The following MSRB3 variants were observed in gnomAD, a reference collection of about 807,000 sequenced individuals.
MSRB3 encodes the protein methionine-R-sulfoxide reductase B3.
Under a neutral mutation model 21.0 loss-of-function variants are expected in MSRB3, and 13 were observed. The observed-to-expected ratio is 0.62, with a 90% CI of 0.40 to 0.98. The LOEUF (loss-of-function observed/expected upper bound fraction) is 0.98. Ranked by LOEUF, MSRB3 falls within the 50% of genes least tolerant of loss-of-function variation. The pLI is 0.00. For missense variants in MSRB3, 199 were observed against 230.3 expected, an observed-to-expected ratio of 0.86 and a Z score of 0.88; for synonymous variants, 87 against 88.6, an observed-to-expected ratio of 0.98 and a Z score of 0.10.
chr12:65,394,469 A>G (rs1252626085), intron 5 of MSRB3, among the ~76,000 whole-genome samples: 1 of 152,186 alleles, frequency 6.6e-6, no homozygotes, highest in Non-Finnish European at 1.5e-5. Flanking sequence ...ACCCACAAAA[A>G]CAACTCCCAG....
intron 6 of MSRB3, among the ~76,000 whole-genome samples, chr12:65,456,235 G>A (rs1416452320): frequency 5.3e-5 from 8 of 152,128 alleles, no homozygotes; most frequent in East Asian, 3.9e-4. Context: ...GTTTTAACTC[G>A]TTTTCACTCA....
At chr12:65,345,010 A>G (rs2136480242) in intron 4 of MSRB3, among the ~76,000 whole-genome samples, 1 of 152,158 alleles carries the variant, frequency 6.6e-6, no homozygotes, top group East Asian at 1.9e-4. Flanking sequence ...GCCCTGCCTT[A>G]GGGTGATGTC....
chr12:65,414,262 T>G (rs901626437), intron 5 of MSRB3, among the ~76,000 whole-genome samples: 8 of 152,120 alleles, frequency 5.3e-5, no homozygotes, highest in African/African-American at 1.9e-4. Context: ...TAGAAGGCTG[T>G]TACAGTAATA....
At chr12:65,333,053 T>C (rs938955798) in intron 4 of MSRB3, among the ~76,000 whole-genome samples, 1 of 152,214 alleles carries the variant, frequency 6.6e-6, no homozygotes, top group Non-Finnish European at 1.5e-5. Context: ...ATTTGAACTT[T>C]TAAAACTTCA....
chr12:65,430,504 T>A lies in MSRB3; in HGVS notation c.293-23224T>A, dbSNP rs73121337. On this transcript the variant is annotated intron_variant, in intron 5 of 6. Coordinates refer to ENST00000308259, the MANE Select transcript of MSRB3 (RefSeq NM_001031679.3). ...CATATAGAACAGGCAAAATTTTGAATTGGAATTAAGTTAAAAATAAATGGA... is the reference window on the plus strand; with the variant it reads ...CATATAGAACAGGCAAAATTTTGAAATGGAATTAAGTTAAAAATAAATGGA... Among the ~76,000 whole-genome samples the A allele has an allele frequency of 3.2e-3, 492 of 152,236 alleles. 2 individuals are homozygous for A. Among genetic ancestry groups the A allele is most frequent in the Non-Finnish European group, 5.8e-3 (395 of 67,996 alleles).
rs1592588174 is a variant in MSRB3 at position 65,386,074 on chromosome 12, T to A, written c.292+17048T>A. The stretch of plus-strand genomic sequence containing the variant: ...TTACTTAAAAATCATTTTTTAAGAA[T>A]TCCATTAAGCATTACAGCATCATTG... On this transcript the variant is annotated intron_variant, in intron 5 of 6. Transcript: ENST00000308259. Among the ~76,000 whole-genome samples, 3 of 151,968 alleles carry A rather than the reference T, an allele frequency of 2.0e-5. No homozygotes were observed. The South Asian group carries it at 6.2e-4, about 31-fold the overall frequency.
At chr12:65,360,657 T>C (rs900979452) in intron 4 of MSRB3, among the ~76,000 whole-genome samples, 4 of 152,098 alleles carry the variant, frequency 2.6e-5, no homozygotes, top group Non-Finnish European at 5.9e-5. Flanking sequence ...AGTAGGTAAT[T>C]TACCTTTTTA....
intron 6 of MSRB3, chr12:65,454,078 G>A (rs954283945): frequency 1.3e-4 from 84 of 624,630 alleles, no homozygotes; most frequent in Non-Finnish European, 2.0e-4. Context: ...GAGGCCAGAA[G>A]TTCAAGACGA....
chr12:65,421,851 C>A (rs958178531), intron 5 of MSRB3, among the ~76,000 whole-genome samples: 2 of 152,124 alleles, frequency 1.3e-5, no homozygotes, highest in Non-Finnish European at 1.5e-5. Context: ...GTTAACAACA[C>A]AATGACAGGA....
intron 5 of MSRB3, among the ~76,000 whole-genome samples, chr12:65,414,694 CTG>C (rs1880885509): frequency 1.3e-5 from 2 of 152,128 alleles, no homozygotes; most frequent in African/African-American, 4.8e-5. Flanking sequence ...CAACATGTGA[CTG>C]TAATTTAAAC....
At position 65,326,807 on chromosome 12, in the gene MSRB3, A is replaced by C. The variant is rs1875064798; in HGVS notation, c.77-19A>C. The C allele has an allele frequency of 6.3e-7, 1 of 1,599,130 alleles. No individual in the cohort carries two copies. Among genetic ancestry groups the C allele is most frequent in the Middle Eastern group, 1.7e-4 (1 of 6,034 alleles). ...TCAAGCTAAAAAGGCTTCTTCTCCCATATCCTCTCTCTTTTCAGGGTCGTG... is the reference window on the plus strand; with the variant it reads ...TCAAGCTAAAAAGGCTTCTTCTCCCCTATCCTCTCTCTTTTCAGGGTCGTG... On this transcript the variant is annotated intron_variant, in intron 2 of 6. Transcript: ENST00000308259.
intron 5 of MSRB3, among the ~76,000 whole-genome samples, chr12:65,445,807 G>A (rs925999997): frequency 1.3e-5 from 2 of 151,544 alleles, no homozygotes; most frequent in Admixed American, 6.6e-5. Context: ...CACCATGCCC[G>A]GCTAATTTCT....
At chr12:65,427,194 A>G (rs191628301) in intron 5 of MSRB3, among the ~76,000 whole-genome samples, 13 of 152,184 alleles carry the variant, frequency 8.5e-5, no homozygotes, top group African/African-American at 3.1e-4. Context: ...TTGCTGTGGA[A>G]AGTCCTTCTT....
At chr12:65,421,251 T>C (rs1418345716) in intron 5 of MSRB3, among the ~76,000 whole-genome samples, 2 of 152,142 alleles carry the variant, frequency 1.3e-5, no homozygotes, top group Non-Finnish European at 2.9e-5. Context: ...GTTGACCACA[T>C]ACATGTCTTC....
intron 4 of MSRB3, among the ~76,000 whole-genome samples, chr12:65,365,449 G>A (rs994510799): frequency 1.3e-5 from 2 of 152,184 alleles, no homozygotes; most frequent in Non-Finnish European, 2.9e-5. Context: ...TTTGATGGGA[G>A]TGATACATGC....
At chr12:65,318,140 T>C (rs553025702) in intron 2 of MSRB3, among the ~76,000 whole-genome samples, 1 of 152,268 alleles carries the variant, frequency 6.6e-6, no homozygotes, top group South Asian at 2.1e-4. Context: ...AATATATAGA[T>C]TCAGATTTAG....
intron 4 of MSRB3, among the ~76,000 whole-genome samples, chr12:65,342,109 A>G (rs1876182736): frequency 6.6e-6 from 1 of 151,882 alleles, no homozygotes; most frequent in Admixed American, 6.6e-5. Flanking sequence ...TCTAAACAAG[A>G]TTCCCAAAGC....
chr12:65,280,633 C>T (rs1275685108), intron 1 of MSRB3, among the ~76,000 whole-genome samples: 1 of 152,072 alleles, frequency 6.6e-6, no homozygotes, highest in Non-Finnish European at 1.5e-5. Context: ...TATTAGGGCC[C>T]TATATGAATA....
At chr12:65,328,397 G>A (rs1875194621) in intron 3 of MSRB3, 129 bp from the exon 4 acceptor site, 1 of 680,306 alleles carries the variant, frequency 1.5e-6, no homozygotes, top group Non-Finnish European at 2.6e-6. Context: ...ATTTCCATAT[G>A]TTTGGTTTGT....
Sources: allele counts gnomAD v4.1 joint callset (sites outside exome capture counted in the v4.1 genomes callset), GRCh38; gene constraint gnomAD v4.1.1; transcripts MANE v1.5; gene names NCBI Gene and HGNC (gene_info 2026-07-23, HGNC 2026-07-21).